The following ERGIC1 variants were observed in gnomAD, a reference collection of about 807,000 sequenced individuals.
The protein encoded by ERGIC1 is endoplasmic reticulum-golgi intermediate compartment 1, also known as endoplasmic reticulum-Golgi intermediate compartment protein 1.
ERGIC1 carries 19 observed loss-of-function variants against 38.3 expected under a neutral mutation model. That is an observed-to-expected ratio of 0.50 (90% CI 0.35 to 0.73). ERGIC1 has a LOEUF of 0.73. Ranked by LOEUF, ERGIC1 falls within the 30% of genes least tolerant of loss-of-function variation. The pLI, the probability that ERGIC1 is intolerant of heterozygous loss-of-function variation, is 0.01. For synonymous variants in ERGIC1, 124 were observed against 157.6 expected, an observed-to-expected ratio of 0.79 and a Z score of 1.60; for missense variants, 294 against 389.2, an observed-to-expected ratio of 0.76 and a Z score of 2.06.
chr5:172,854,068 C>G (rs1761478756), intron 1 of ERGIC1, among the ~76,000 whole-genome samples: 2 of 152,190 alleles, frequency 1.3e-5, no homozygotes, highest in Non-Finnish European at 2.9e-5. Context: ...CAGGGTTGCT[C>G]TACCCCCATT....
At chr5:172,867,073 G>A (rs551096970) in intron 1 of ERGIC1, 6 of 431,818 alleles carry the variant, frequency 1.4e-5, no homozygotes, top group Admixed American at 7.3e-5. Flanking sequence ...GAGAGCAGTG[G>A]CCATGCAGAG....
chr5:172,883,690 A>T (rs1424021942), intron 1 of ERGIC1, among the ~76,000 whole-genome samples: 3 of 152,178 alleles, frequency 2.0e-5, no homozygotes, highest in Non-Finnish European at 4.4e-5. Flanking sequence ...CCTGGTTAAG[A>T]TGATGCCTGG....
chr5:172,834,555 G>C lies in ERGIC1; in HGVS notation c.20+122G>C. 9.9e-7 allele frequency: 1 copy of C among 1,005,426 alleles called. No individual in the cohort carries two copies. The highest frequency in any genetic ancestry group is 4.7e-5 in the South Asian group (1 of 21,474). The allele number at this position is 1,005,426 out of a possible 1,614,324, so 62.3% of individuals were successfully genotyped here. ...GGCTCCCCGCCCTGTGCATGCCTCC[G>C]CAGGCCCCTAGGGACCCCAGGCGAG... On this transcript the variant is annotated intron_variant, in intron 1 of 9. Transcript: ENST00000393784. This position sits in a 1 kb window ranked among gnomAD's most constrained non-coding sequence, Gnocchi z 4.1.
At chr5:172,859,489 G>GAA (rs60298872) in intron 1 of ERGIC1, among the ~76,000 whole-genome samples, 3 of 151,748 alleles carry the variant, frequency 2.0e-5, no homozygotes, top group Admixed American at 6.6e-5. Context: ...TGAAGGGTGG[G>GAA]AAAAAAAAAT....
intron 2 of ERGIC1, among the ~76,000 whole-genome samples, chr5:172,893,918 T>TATATATATATATACAC (rs1162989475): frequency 1.2e-5 from 1 of 82,930 alleles, no homozygotes; most frequent in African/African-American, 4.6e-5. Context: ...TGTGTGTGTG[T>TATATATATATATACAC]GTGTGTGTGT....
At chr5:172,892,620 G>T (rs1762596318) in intron 2 of ERGIC1, among the ~76,000 whole-genome samples, 1 of 152,182 alleles carries the variant, frequency 6.6e-6, no homozygotes, top group African/African-American at 2.4e-5. Flanking sequence ...TTCAGAAGAA[G>T]TCTGGAGTTA....
chr5:172,928,898 C>T (rs76758016), intron 7 of ERGIC1, among the ~76,000 whole-genome samples: 2,319 of 152,240 alleles, frequency 0.015, 46 homozygotes, highest in African/African-American at 0.053. Context: ...TAATGAGATG[C>T]GTGTACAGAG....
chr5:172,858,420 G>A (rs1761611292), intron 1 of ERGIC1, among the ~76,000 whole-genome samples: 1 of 152,174 alleles, frequency 6.6e-6, no homozygotes, highest in Non-Finnish European at 1.5e-5. Flanking sequence ...ACCCATTCCG[G>A]GTCTCGGGCA....
intron 3 of ERGIC1, among the ~76,000 whole-genome samples, chr5:172,904,542 G>T (rs1057492731): frequency 1.3e-5 from 2 of 152,244 alleles, no homozygotes; most frequent in African/African-American, 4.8e-5. Flanking sequence ...GCCCACACTG[G>T]TGACAGGGGA....
intron 1 of ERGIC1, among the ~76,000 whole-genome samples, chr5:172,854,580 G>A (rs776185410): frequency 3.9e-5 from 6 of 152,240 alleles, no homozygotes; most frequent in African/African-American, 1.2e-4. Context: ...TCATCAGCAC[G>A]TCCGCATGGT....
In ERGIC1 at chr5:172,949,664, GT is replaced by G. The variant is rs386419669; in HGVS notation, c.766-1044del. Among the ~76,000 whole-genome samples the G allele has an allele frequency of 1.1e-4, 17 of 150,732 alleles. 2 individuals carry two copies. Among genetic ancestry groups the G allele is most frequent in the South Asian group, 4.2e-4 (2 of 4,762 alleles). On this transcript the variant is annotated intron_variant, in intron 9 of 9. Transcript: ENST00000393784. ...GGTTGTCACAGCGTGGCGGGGGGGGGTATGATTGGCATCTCCTGGGTAGAGG... is the reference window on the plus strand; with the variant it reads ...GGTTGTCACAGCGTGGCGGGGGGGGGATGATTGGCATCTCCTGGGTAGAGG...
At chr5:172,893,948 T>TACAC (rs1762649365) in intron 2 of ERGIC1, among the ~76,000 whole-genome samples, 15 of 121,922 alleles carry the variant, frequency 1.2e-4, no homozygotes, top group African/African-American at 4.4e-4. Flanking sequence ...TATATATATA[T>TACAC]ATATATTTAA....
chr5:172,890,603 C>T lies in ERGIC1; in HGVS notation c.82+1843C>T, dbSNP rs191306670. On this transcript the variant is annotated intron_variant, in intron 2 of 9. Transcript: ENST00000393784. ...AGTTTTAAAAACAAACCAAAGCCAC[C>T]TTGCAAACAGGGGATGCTTTCGCCT... Among the ~76,000 whole-genome samples the T allele has an allele frequency of 2.0e-5, 3 of 152,316 alleles. No individual in the cohort carries two copies. In the East Asian group the frequency reaches 5.8e-4, roughly 29 times the overall value.
intron 7 of ERGIC1, among the ~76,000 whole-genome samples, chr5:172,932,210 A>G (rs902698579): frequency 6.6e-6 from 1 of 152,376 alleles, no homozygotes; most frequent in African/African-American, 2.4e-5. Flanking sequence ...GGTTGTTTCC[A>G]GAATTTTAAT....
chr5:172,876,451 T>G (rs551668459), intron 1 of ERGIC1, among the ~76,000 whole-genome samples: 1 of 152,340 alleles, frequency 6.6e-6, no homozygotes, highest in Non-Finnish European at 1.5e-5. Context: ...GAGTTGGTGG[T>G]GTAGGATCTT....
chr5:172,889,775 A>C (rs1384675531), intron 2 of ERGIC1, among the ~76,000 whole-genome samples: 2 of 152,202 alleles, frequency 1.3e-5, no homozygotes, highest in African/African-American at 2.4e-5. Context: ...CAGATTTTGG[A>C]TATCAGATTT....
At chr5:172,909,168 C>CTT (rs70984920) in intron 3 of ERGIC1, among the ~76,000 whole-genome samples, 10 of 80,864 alleles carry the variant, frequency 1.2e-4, no homozygotes, top group East Asian at 3.0e-4. Context: ...GCCCTCCCCT[C>CTT]TTTTTTTTTT....
intron 2 of ERGIC1, among the ~76,000 whole-genome samples, chr5:172,893,935 G>GTATATATATA (rs1554110408): frequency 2.3e-3 from 98 of 42,756 alleles, no homozygotes; most frequent in Non-Finnish European, 3.6e-3. Flanking sequence ...GTGTGTGTGT[G>GTATATATATA]TATATATATA....
chr5:172,837,754 G>C lies in ERGIC1; in HGVS notation c.20+3321G>C, dbSNP rs1761070912. On this transcript the variant is annotated intron_variant, in intron 1 of 9. Coordinates refer to ENST00000393784, the MANE Select transcript of ERGIC1 (RefSeq NM_001031711.3). The surrounding 1 kb of genome is among the most constrained non-coding windows in gnomAD (Gnocchi z 4.3). The stretch of plus-strand genomic sequence containing the variant: ...GAGGCTGAGCTTTCAATGATTTATT[G>C]TGTTTGCTTTGCTCTTGTTAAATTG... Among the ~76,000 whole-genome samples the C allele has an allele frequency of 6.6e-6, 1 of 152,246 alleles. No homozygotes were observed. Among genetic ancestry groups the C allele is most frequent in the African/African-American group, 2.4e-5 (1 of 41,464 alleles).
Sources: allele counts gnomAD v4.1 joint callset (sites outside exome capture counted in the v4.1 genomes callset), GRCh38; gene constraint gnomAD v4.1.1; non-coding constraint Gnocchi (gnomAD v3.1); transcripts MANE v1.5; gene names NCBI Gene and HGNC (gene_info 2026-07-23, HGNC 2026-07-21).